The following SLC9A4 variants were observed in gnomAD, a reference collection of about 807,000 sequenced individuals.
SLC9A4 encodes solute carrier family 9 member A4.
A neutral mutation model predicts 67.4 loss-of-function variants in SLC9A4; 63 were observed. The ratio of observed to expected loss-of-function variants is 0.93; its 90% CI spans 0.76 to 1.15. The LOEUF (loss-of-function observed/expected upper bound fraction) is 1.15, where lower values mean the gene tolerates loss of function less well. Among genes scored for constraint, SLC9A4 ranks in the 50% most tolerant of loss-of-function variants. SLC9A4 has a pLI of 0.00. For synonymous variants in SLC9A4, 393 were observed against 367.2 expected (o/e 1.07, Z -0.80); for missense variants, 1,089 against 987.7 (o/e 1.10, Z -1.38).
At position 102,495,792 on chromosome 2, in the gene SLC9A4, A is replaced by C. The variant is rs185305762; in HGVS notation, c.721-7656A>C. Among the ~76,000 whole-genome samples the C allele has an allele frequency of 2.3e-3, 347 of 152,282 alleles. 2 individuals carry two copies. The highest frequency in any genetic ancestry group is 8.0e-3 in the African/African-American group (334 of 41,576). On this transcript the variant is annotated intron_variant, in intron 2 of 11. Coordinates refer to ENST00000295269, the MANE Select transcript of SLC9A4 (RefSeq NM_001011552.4). ...AAAGTCTGTTCAACAAATGGTACTGAAAAACTCTGGTATCCATGTGGAAAA... is the reference window on the plus strand; with the variant it reads ...AAAGTCTGTTCAACAAATGGTACTGCAAAACTCTGGTATCCATGTGGAAAA...
intron 2 of SLC9A4, among the ~76,000 whole-genome samples, chr2:102,501,099 C>G (rs572658334): frequency 6.6e-6 from 1 of 151,936 alleles, no homozygotes; most frequent in South Asian, 2.1e-4. Context: ...GCTGGGATTA[C>G]AGGCATGCGC....
intron 2 of SLC9A4, among the ~76,000 whole-genome samples, chr2:102,490,061 C>T (rs993294882): frequency 6.7e-6 from 1 of 149,624 alleles, no homozygotes; most frequent in Non-Finnish European, 1.5e-5. Flanking sequence ...AAAGATCATT[C>T]TTATTGTATT....
intron 10 of SLC9A4, among the ~76,000 whole-genome samples, chr2:102,525,858 A>C (rs1301521180): frequency 3.9e-5 from 6 of 152,144 alleles, no homozygotes. Context: ...AAGATGCCAC[A>C]GAACAGGTCT....
At chr2:102,507,946 T>A in intron 4 of SLC9A4, 133 bp from the exon 5 acceptor site, 1 of 782,512 alleles carries the variant, frequency 1.3e-6, no homozygotes, top group Non-Finnish European at 2.1e-6. Flanking sequence ...CTACCTGGGA[T>A]AGACAATCAT....
At chr2:102,477,117 G>T (rs949380748) in intron 1 of SLC9A4, among the ~76,000 whole-genome samples, 10 of 152,168 alleles carry the variant, frequency 6.6e-5, no homozygotes, top group African/African-American at 2.4e-4. Flanking sequence ...GCCTATGGCT[G>T]GAAGTCCACC....
chr2:102,480,832 A>G (rs905785390), intron 2 of SLC9A4, among the ~76,000 whole-genome samples: 3 of 152,218 alleles, frequency 2.0e-5, no homozygotes, highest in Admixed American at 2.0e-4. Flanking sequence ...ACAGTTTATC[A>G]GTCACCTGTA....
intron 4 of SLC9A4, among the ~76,000 whole-genome samples, chr2:102,506,924 A>G (rs1685062653): frequency 6.6e-6 from 1 of 152,228 alleles, no homozygotes; most frequent in African/African-American, 2.4e-5. Context: ...TGACAGAGCC[A>G]GGTGTTGGAA....
At chr2:102,506,165 G>A (rs1299865040) in intron 4 of SLC9A4, among the ~76,000 whole-genome samples, 1 of 152,230 alleles carries the variant, frequency 6.6e-6, no homozygotes, top group Admixed American at 6.5e-5. Context: ...CTTTTAAAAT[G>A]AGAACTAGTG....
chr2:102,527,532 G>A (rs1214683970), intron 11 of SLC9A4, among the ~76,000 whole-genome samples: 1 of 151,932 alleles, frequency 6.6e-6, no homozygotes, highest in Non-Finnish European at 1.5e-5. Flanking sequence ...ACATATTAAG[G>A]GCTCTGGACC....
chr2:102,495,091 G>A (rs1428097186), intron 2 of SLC9A4, among the ~76,000 whole-genome samples: 6 of 151,888 alleles, frequency 4.0e-5, no homozygotes, highest in Non-Finnish European at 8.8e-5. Context: ...GACAACTAAA[G>A]AAGCCTCAAT....
At chr2:102,479,679 C>T (rs1333376385) in intron 2 of SLC9A4, among the ~76,000 whole-genome samples, 3 of 152,182 alleles carry the variant, frequency 2.0e-5, no homozygotes, top group African/African-American at 7.2e-5. Flanking sequence ...CATCATCAGA[C>T]CTCACTCTTA....
chr2:102,488,412 G>A (rs1254627196), intron 2 of SLC9A4, among the ~76,000 whole-genome samples: 2 of 152,102 alleles, frequency 1.3e-5, no homozygotes, highest in South Asian at 2.1e-4. Flanking sequence ...CGATGGGTGA[G>A]GGAGGAAGCC....
chr2:102,484,794 G>T (rs1573329534), intron 2 of SLC9A4, among the ~76,000 whole-genome samples: 1 of 152,100 alleles, frequency 6.6e-6, no homozygotes, highest in Non-Finnish European at 1.5e-5. Flanking sequence ...GCCCAGACAG[G>T]CCAGGGTTGA....
At chr2:102,496,196 A>G (rs980885872) in intron 2 of SLC9A4, among the ~76,000 whole-genome samples, 6 of 152,236 alleles carry the variant, frequency 3.9e-5, no homozygotes, top group African/African-American at 1.4e-4. Context: ...AAACAGCTCA[A>G]TTGAAAATAA....
chr2:102,494,286 G>C (rs1403549), intron 2 of SLC9A4, among the ~76,000 whole-genome samples: 24,181 of 151,676 alleles, frequency 0.16, 2,576 homozygotes, highest in African/African-American at 0.27. Flanking sequence ...TTAGCCAAAA[G>C]TATACTGTAA....
chr2:102,530,222 C>G (rs1674751206), intron 11 of SLC9A4, among the ~76,000 whole-genome samples: 1 of 152,198 alleles, frequency 6.6e-6, no homozygotes, highest in East Asian at 1.9e-4. Flanking sequence ...TGGGGCCCGC[C>G]CTGCGCTGAG....
chr2:102,514,256 G>A lies in SLC9A4; in HGVS notation c.1721+5G>A, dbSNP rs1685229504. On this transcript the variant is annotated splice_donor_5th_base_variant and intron_variant, in intron 8 of 11. Coordinates refer to ENST00000295269, the MANE Select transcript of SLC9A4 (RefSeq NM_001011552.4). ...AGCTTTCTCCATACCCCATCAGTGA[G>A]TCATATCTGTTCTTTGTTCTAAACT... 1.3e-6 allele frequency: 2 copies of A among 1,595,428 alleles called. No homozygotes were observed. Among genetic ancestry groups the A allele is most frequent in the African/African-American group, 1.3e-5 (1 of 74,176 alleles).
At chr2:102,489,636 T>A (rs903331457) in intron 2 of SLC9A4, among the ~76,000 whole-genome samples, 1 of 152,188 alleles carries the variant, frequency 6.6e-6, no homozygotes, top group Non-Finnish European at 1.5e-5. Flanking sequence ...TGTTCTGCCA[T>A]CCATTCAGTT....
chr2:102,530,538 T>C (rs1674755284), intron 11 of SLC9A4, among the ~76,000 whole-genome samples: 1 of 152,202 alleles, frequency 6.6e-6, no homozygotes, highest in Admixed American at 6.5e-5. Flanking sequence ...TTCCTAGAGC[T>C]TGGAGTCCAC....
Sources: gnomAD v4.1 joint callset for allele counts (sites outside exome capture counted in the v4.1 genomes callset) on GRCh38, gnomAD v4.1.1 for gene constraint, MANE v1.5 for transcripts, NCBI Gene and HGNC (gene_info 2026-07-23, HGNC 2026-07-21) for gene names.